The following CTNND2 variants were observed in gnomAD, a reference collection of about 807,000 sequenced individuals.
The protein encoded by CTNND2 is catenin delta-2.
A neutral mutation model predicts 144.4 loss-of-function variants in CTNND2; 22 were observed. The ratio of observed to expected loss-of-function variants is 0.15; its 90% CI spans 0.11 to 0.22. The LOEUF is 0.22. Among genes scored for constraint, CTNND2 ranks in the 10% least tolerant of loss-of-function variants. The pLI is 1.00. For missense variants in CTNND2, 1,353 were observed against 1,618.8 expected, an observed-to-expected ratio of 0.84 and a Z score of 2.82; for synonymous variants, 751 against 695.6, an observed-to-expected ratio of 1.08 and a Z score of -1.25.
chr5:11,113,023 C>G (rs1212631300), intron 13 of CTNND2, among the ~76,000 whole-genome samples: 2 of 152,076 alleles, frequency 1.3e-5, no homozygotes. Context: ...CACCTGTAGT[C>G]CCAGCTACTC....
At chr5:11,595,573 T>A (rs1023824276) in intron 2 of CTNND2, among the ~76,000 whole-genome samples, 6 of 152,084 alleles carry the variant, frequency 3.9e-5, no homozygotes, top group Non-Finnish European at 7.4e-5. Flanking sequence ...GAAGACAAAA[T>A]CATTTCAGAA....
intron 3 of CTNND2, among the ~76,000 whole-genome samples, chr5:11,479,014 A>G (rs571723210): frequency 6.6e-6 from 1 of 152,316 alleles, no homozygotes; most frequent in South Asian, 2.1e-4. Flanking sequence ...AAAAAAAATT[A>G]GGTTTGGGGT....
intron 1 of CTNND2, among the ~76,000 whole-genome samples, chr5:11,887,280 G>A (rs1736627204): frequency 6.6e-6 from 1 of 151,980 alleles, no homozygotes; most frequent in African/African-American, 2.4e-5. Context: ...ACCACATCCG[G>A]CCTATTCTAC....
chr5:11,811,721 TAATG>T (rs1405086800), intron 1 of CTNND2, among the ~76,000 whole-genome samples: 1 of 152,140 alleles, frequency 6.6e-6, no homozygotes, highest in Non-Finnish European at 1.5e-5. Context: ...CCCATTTCCA[TAATG>T]GGAGATCAGC....
At chr5:11,191,399 T>C (rs1736229528) in intron 11 of CTNND2, among the ~76,000 whole-genome samples, 1 of 152,158 alleles carries the variant, frequency 6.6e-6, no homozygotes, top group South Asian at 2.1e-4. Context: ...CTGACTCCCA[T>C]AGAGGAAATC....
intron 1 of CTNND2, among the ~76,000 whole-genome samples, chr5:11,860,082 T>C (rs1795432646): frequency 1.3e-5 from 2 of 152,244 alleles, no homozygotes; most frequent in Non-Finnish European, 2.9e-5. Context: ...TCGGATTAAA[T>C]ATCTAAAATA....
chr5:11,308,556 A>C (rs1274268044), intron 9 of CTNND2, among the ~76,000 whole-genome samples: 1 of 152,236 alleles, frequency 6.6e-6, no homozygotes, highest in Non-Finnish European at 1.5e-5. Flanking sequence ...ACTTCCCCTA[A>C]CGTTCCACTA....
intron 1 of CTNND2, among the ~76,000 whole-genome samples, chr5:11,862,408 G>A (rs1410976609): frequency 6.6e-6 from 1 of 152,148 alleles, no homozygotes; most frequent in Non-Finnish European, 1.5e-5. Flanking sequence ...GTTCAAGTAT[G>A]CACTAACAAC....
intron 5 of CTNND2, among the ~76,000 whole-genome samples, chr5:11,401,365 C>A (rs979764250): frequency 6.6e-6 from 1 of 152,184 alleles, no homozygotes; most frequent in African/African-American, 2.4e-5. Flanking sequence ...ATACAGTAGA[C>A]CTTCAATTAA....
At chr5:11,457,715 G>A (rs960641707) in intron 3 of CTNND2, among the ~76,000 whole-genome samples, 1 of 152,154 alleles carries the variant, frequency 6.6e-6, no homozygotes, top group South Asian at 2.1e-4. Flanking sequence ...CCATGCACAG[G>A]ACACTTGTGT....
chr5:11,777,267 G>T (rs1189764648), intron 1 of CTNND2, among the ~76,000 whole-genome samples: 1 of 152,172 alleles, frequency 6.6e-6, no homozygotes, highest in Admixed American at 6.5e-5. Context: ...CAGGACGTTT[G>T]TACACAATTA....
chr5:11,200,470 G>A (rs1330606447), intron 10 of CTNND2, among the ~76,000 whole-genome samples: 1 of 152,188 alleles, frequency 6.6e-6, no homozygotes, highest in African/African-American at 2.4e-5. Flanking sequence ...AGCTGCATCT[G>A]AAAACTTTTG....
chr5:11,485,380 C>A (rs201525618), intron 3 of CTNND2, among the ~76,000 whole-genome samples: 2 of 146,682 alleles, frequency 1.4e-5, no homozygotes, highest in African/African-American at 2.6e-5. Context: ...TGTGTGCGCG[C>A]GCGCGCGTGC....
intron 18 of CTNND2, among the ~76,000 whole-genome samples, chr5:11,016,781 T>G (rs189261334): frequency 4.4e-4 from 67 of 152,236 alleles, no homozygotes; most frequent in South Asian, 2.9e-3. Flanking sequence ...CTATATATTT[T>G]TTTTTTTGAG....
intron 3 of CTNND2, among the ~76,000 whole-genome samples, chr5:11,483,049 G>T (rs1325623022): frequency 2.6e-5 from 4 of 152,104 alleles, no homozygotes; most frequent in Non-Finnish European, 5.9e-5. Flanking sequence ...TTCATTGATA[G>T]CCTCCTTCTG....
chr5:11,144,423 G>A (rs889885457), intron 12 of CTNND2, among the ~76,000 whole-genome samples: 4 of 152,070 alleles, frequency 2.6e-5, no homozygotes, highest in Admixed American at 6.5e-5. Flanking sequence ...CACTGCCTCC[G>A]GTCCACCTGC....
At chr5:11,338,066 C>G (rs1280023614) in intron 9 of CTNND2, among the ~76,000 whole-genome samples, 1 of 152,132 alleles carries the variant, frequency 6.6e-6, no homozygotes, top group Non-Finnish European at 1.5e-5. Context: ...CTAAGTGACC[C>G]AGGACATCTT....
At chr5:11,563,107 G>A (rs1776805971) in intron 3 of CTNND2, among the ~76,000 whole-genome samples, 1 of 152,160 alleles carries the variant, frequency 6.6e-6, no homozygotes, top group East Asian at 1.9e-4. Context: ...GTCTGGTCAG[G>A]TCCATTTACA....
chr5:11,111,581 A>AT (rs1561320241), intron 13 of CTNND2, among the ~76,000 whole-genome samples: 2 of 152,242 alleles, frequency 1.3e-5, no homozygotes, highest in South Asian at 4.2e-4. Flanking sequence ...TTTAGTCTAC[A>AT]TTTTTTTGAG....
Sources: gnomAD v4.1 joint callset for allele counts (sites outside exome capture counted in the v4.1 genomes callset) on GRCh38, gnomAD v4.1.1 for gene constraint, MANE v1.5 for transcripts, NCBI Gene and HGNC (gene_info 2026-07-23, HGNC 2026-07-21) for gene names.